The following KLHL5 variants were observed in gnomAD, a reference collection of about 807,000 sequenced individuals.
The protein encoded by KLHL5 is kelch like family member 5.
A neutral mutation model predicts 77.7 loss-of-function variants in KLHL5; 48 were observed. That is an observed-to-expected ratio of 0.62 (90% CI 0.49 to 0.79). The LOEUF (loss-of-function observed/expected upper bound fraction) is 0.79. Among genes scored for constraint, KLHL5 ranks in the 30% least tolerant of loss-of-function variants. The probability of loss-of-function intolerance (pLI) is 0.00; values close to 1 mark genes in which losing one functional copy is unlikely to be tolerated. For synonymous variants in KLHL5, 260 were observed against 297.0 expected (o/e 0.88, Z 1.28); for missense variants, 723 against 859.7 (o/e 0.84, Z 1.99).
rs148371989 is a variant in KLHL5 at position 39,115,178 on chromosome 4, A to T, written c.1921A>T (p.Met641Leu). The change falls in exon 10 of 11, where the codon ATG becomes TTG. Residue 641 changes from methionine to leucine, a missense_variant. Met to Leu is a conservative substitution (Grantham distance 15). Around this residue, in one of 3 missense-constraint regions of KLHL5, gnomAD observed 214 missense variants for 237.4 expected, o/e 0.90. Coordinates refer to ENST00000504108, the MANE Select transcript of KLHL5 (RefSeq NM_015990.5). ...CVERYDPKTD[M>L]WTAVASMSIS... Reference sequence around the variant, plus strand: ...TTACAGATATGATCCCAAAACAGACATGTGGACTGCAGTAGCATCCATGAG... The same window carrying T: ...TTACAGATATGATCCCAAAACAGACTTGTGGACTGCAGTAGCATCCATGAG... 1.4e-3 allele frequency: 2,275 copies of T among 1,610,626 alleles called. 1 individual carries two copies. Among genetic ancestry groups the T allele is most frequent in the Admixed American group, 2.4e-3 (142 of 58,974 alleles).
intron 1 of KLHL5, among the ~76,000 whole-genome samples, chr4:39,054,047 T>C (rs987623810): frequency 2.6e-5 from 4 of 152,248 alleles, no homozygotes; most frequent in Non-Finnish European, 5.9e-5. Flanking sequence ...TTAAGTATTC[T>C]GTTCCCCCTC....
chr4:39,105,283 A>G (rs1190993986), intron 7 of KLHL5, among the ~76,000 whole-genome samples: 1 of 151,678 alleles, frequency 6.6e-6, no homozygotes, highest in Non-Finnish European at 1.5e-5. Context: ...AGTAGCTAGG[A>G]CTATAGGCAT....
chr4:39,128,280 G>A (rs1031736096), downstream of KLHL5, among the ~76,000 whole-genome samples: 4 of 152,076 alleles, frequency 2.6e-5, no homozygotes, highest in Non-Finnish European at 5.9e-5. Flanking sequence ...AACCATCTCC[G>A]AGGTATTGGA....
chr4:39,065,252 C>T (rs1246649141), intron 1 of KLHL5, among the ~76,000 whole-genome samples: 1 of 152,004 alleles, frequency 6.6e-6, no homozygotes, highest in African/African-American at 2.4e-5. Context: ...TATTTGCCCT[C>T]AGCTTTTTGA....
chr4:39,110,928 A>G (rs894205868), intron 8 of KLHL5, among the ~76,000 whole-genome samples: 2 of 152,326 alleles, frequency 1.3e-5, no homozygotes, highest in East Asian at 3.9e-4. Flanking sequence ...TGAGTCTTAC[A>G]TGGCATTTAA....
At chr4:39,050,227 A>G (rs373215799) in intron 1 of KLHL5, among the ~76,000 whole-genome samples, 1 of 152,228 alleles carries the variant, frequency 6.6e-6, no homozygotes, top group Non-Finnish European at 1.5e-5. Context: ...TACTAAATAT[A>G]TAAACTGTTA....
At chr4:39,133,507 A>G in the KLHL5 span, among the ~76,000 whole-genome samples, 1 of 151,568 alleles carries the variant, frequency 6.6e-6, no homozygotes, top group Non-Finnish European at 1.5e-5. Context: ...CTGAGGCAGG[A>G]GGATTGCTTG....
At chr4:39,109,132 G>C (rs1162016096) in intron 8 of KLHL5, among the ~76,000 whole-genome samples, 3 of 151,992 alleles carry the variant, frequency 2.0e-5, no homozygotes, top group Admixed American at 2.0e-4. Flanking sequence ...AAAGAATCTG[G>C]AGTAAGTAGA....
the KLHL5 span, among the ~76,000 whole-genome samples, chr4:39,139,206 C>T: frequency 2.3e-4 from 34 of 150,062 alleles, no homozygotes; most frequent in South Asian, 7.0e-3. Flanking sequence ...TGCTTGAATC[C>T]AGGAGACGGA....
chr4:39,096,084 T>G (rs1248556881), intron 5 of KLHL5, among the ~76,000 whole-genome samples: 2 of 152,042 alleles, frequency 1.3e-5, no homozygotes, highest in Admixed American at 6.6e-5. Flanking sequence ...TATTTTCATT[T>G]TATTTTTTAA....
chr4:39,128,703 C>A (rs771903156), downstream of KLHL5, among the ~76,000 whole-genome samples: 2 of 152,206 alleles, frequency 1.3e-5, no homozygotes, highest in Non-Finnish European at 2.9e-5. Context: ...TGGCTCACAC[C>A]TGTAATCCCA....
At chr4:39,056,354 A>G (rs1246783451) in intron 1 of KLHL5, among the ~76,000 whole-genome samples, 1 of 152,080 alleles carries the variant, frequency 6.6e-6, no homozygotes, top group African/African-American at 2.4e-5. Context: ...CAAGTGATCC[A>G]CCCTCAGGGG....
rs147614864 is a variant in KLHL5 at position 39,071,452 on chromosome 4, A to G, written c.384-4513A>G. On this transcript the variant is annotated intron_variant, in intron 1 of 10. Coordinates refer to ENST00000504108, the MANE Select transcript of KLHL5 (RefSeq NM_015990.5). ...AATTCTAGTGTAAATTCTGGCGATAAAAGTAAAGGGATCTAAATAGTTTAC... is the reference window on the plus strand; with the variant it reads ...AATTCTAGTGTAAATTCTGGCGATAGAAGTAAAGGGATCTAAATAGTTTAC... Among the ~76,000 whole-genome samples, 1,429 of 152,330 alleles carry G rather than the reference A, an allele frequency of 9.4e-3. 11 individuals carry two copies. The highest frequency in any genetic ancestry group is 0.016 in the Non-Finnish European group (1,077 of 68,026).
chr4:39,059,680 G>A (rs548741974), upstream of KLHL5, among the ~76,000 whole-genome samples: 4 of 152,172 alleles, frequency 2.6e-5, no homozygotes, highest in African/African-American at 7.2e-5. Context: ...CCTGGGAGAC[G>A]GAGGTTGCAG....
chr4:39,096,984 C>G, intron 6 of KLHL5, 106 bp downstream of exon 6: 1 of 912,334 alleles, frequency 1.1e-6, no homozygotes, highest in East Asian at 2.6e-5. Context: ...GGCTGCAGGA[C>G]AGGGGCAGAA....
intron 2 of KLHL5, among the ~76,000 whole-genome samples, chr4:39,078,710 A>G (rs1719325117): frequency 6.6e-6 from 1 of 152,040 alleles, no homozygotes; most frequent in Non-Finnish European, 1.5e-5. Flanking sequence ...CACCCCCAGC[A>G]AAAAAGAATG....
intron 8 of KLHL5, chr4:39,112,790 C>T (rs2163272): frequency 0.56 from 260,727 of 469,096 alleles, 73,847 homozygotes; most frequent in Admixed American, 0.6. Flanking sequence ...ACAGTTGTCA[C>T]TGCCTTCATG....
At chr4:39,120,723 A>T (rs1723153102) in intron 10 of KLHL5, among the ~76,000 whole-genome samples, 1 of 152,272 alleles carries the variant, frequency 6.6e-6, no homozygotes, top group South Asian at 2.1e-4. Context: ...TGGCTAAAAT[A>T]GAGTGTTTCA....
chr4:39,081,094 T>A lies in KLHL5; in HGVS notation c.567-9T>A, dbSNP rs761859502. The A allele has an allele frequency of 3.1e-6, 5 of 1,589,486 alleles. No homozygotes were observed. The highest frequency in any genetic ancestry group is 4.3e-6 in the Non-Finnish European group (5 of 1,172,452). ...GTCATTGATTTTTTTTTTCCTAATG[T>A]GTTCACAGATTGGTGCTCTCCTCTG... On this transcript the variant is annotated splice_polypyrimidine_tract_variant and intron_variant, in intron 2 of 10. Transcript: ENST00000504108. This position sits in a 1 kb window ranked among gnomAD's most constrained non-coding sequence, Gnocchi z 4.3.
Sources: gnomAD v4.1 joint callset for allele counts (sites outside exome capture counted in the v4.1 genomes callset) on GRCh38, gnomAD v4.1.1 for gene constraint, gnomAD v4.1.1 regional missense constraint, Gnocchi (gnomAD v3.1) non-coding constraint, MANE v1.5 for transcripts, NCBI Gene and HGNC (gene_info 2026-07-23, HGNC 2026-07-21) for gene names.